Variants in ATRNL1 observed in about 807,000 individuals in gnomAD.
ATRNL1 encodes attractin-like protein 1.
ATRNL1 carries 95 observed loss-of-function variants against 182.7 expected under a neutral mutation model. That is an observed-to-expected ratio of 0.52 (90% CI 0.44 to 0.62). The LOEUF (loss-of-function observed/expected upper bound fraction) is 0.62, where lower values mean the gene tolerates loss of function less well. Ranked by LOEUF, ATRNL1 falls within the 20% of genes least tolerant of loss-of-function variation. The pLI is 0.00. For missense variants in ATRNL1, 1,471 were observed against 1,679.5 expected (o/e 0.88, Z 2.17); for synonymous variants, 576 against 568.3 (o/e 1.01, Z -0.19).
chr10:115,165,714 C>A, intron 7 of ATRNL1, 69 bp downstream of exon 7: 7 of 782,338 alleles, frequency 8.9e-6, no homozygotes, highest in Non-Finnish European at 1.4e-5. Flanking sequence ...CTAAAAAATA[C>A]TAAATCTCAG....
intron 8 of ATRNL1, among the ~76,000 whole-genome samples, chr10:115,191,815 T>C (rs1467115847): frequency 3.9e-5 from 6 of 152,230 alleles, no homozygotes; most frequent in African/African-American, 1.4e-4. Flanking sequence ...TGTGAGTCAA[T>C]TAAACCCCTT....
intron 27 of ATRNL1, among the ~76,000 whole-genome samples, chr10:115,740,338 A>G (rs539296662): frequency 4.2e-4 from 60 of 143,134 alleles, no homozygotes; most frequent in African/African-American, 1.6e-3. Flanking sequence ...TTTGCTTTAT[A>G]GAGAAAGGCT....
chr10:115,604,438 C>A (rs1856770363), intron 26 of ATRNL1, among the ~76,000 whole-genome samples: 1 of 152,172 alleles, frequency 6.6e-6, no homozygotes, highest in Admixed American at 6.5e-5. Context: ...CAACTGTCTT[C>A]CAGCCAGCCC....
chr10:115,540,525 G>T (rs1229311307), intron 25 of ATRNL1, among the ~76,000 whole-genome samples: 1 of 152,120 alleles, frequency 6.6e-6, no homozygotes, highest in Non-Finnish European at 1.5e-5. Context: ...ACTTTGGGAG[G>T]CTGAGGCAGG....
chr10:115,737,455 A>G (rs1286701788), intron 27 of ATRNL1, among the ~76,000 whole-genome samples: 1 of 151,800 alleles, frequency 6.6e-6, no homozygotes, highest in East Asian at 1.9e-4. Flanking sequence ...AAAGAAAAGT[A>G]TACTTCATTA....
chr10:115,724,880 C>G (rs1178603178), intron 26 of ATRNL1, among the ~76,000 whole-genome samples: 1 of 152,108 alleles, frequency 6.6e-6, no homozygotes, highest in African/African-American at 2.4e-5. Flanking sequence ...CACACTAAAG[C>G]AAGAGTGCTA....
chr10:115,785,785 T>C (rs549791015), intron 27 of ATRNL1, among the ~76,000 whole-genome samples: 2 of 152,342 alleles, frequency 1.3e-5, no homozygotes, highest in Admixed American at 6.5e-5. Context: ...CCCTCTCGCA[T>C]TTTACCATAA....
intron 5 of ATRNL1, among the ~76,000 whole-genome samples, chr10:115,139,327 G>A (rs1845660716): frequency 1.3e-5 from 2 of 152,148 alleles, no homozygotes; most frequent in South Asian, 4.2e-4. Context: ...CACTCTACTG[G>A]TACCAATTTA....
rs1951194177 is a variant in ATRNL1 at position 115,856,583 on chromosome 10, A to AC, written c.4018+8594dup. On this transcript the variant is annotated intron_variant, in intron 28 of 28. Transcript: ENST00000355044. ...TTTCGTGGAAGACAATTTTCCACAG[A>AC]CCTGGGGGTCAGTGGCAGGGGTGAT... Among the ~76,000 whole-genome samples, 11 of 152,152 alleles carry AC rather than the reference A, an allele frequency of 7.2e-5. No homozygotes were observed. In the South Asian group the frequency reaches 2.3e-3, roughly 32 times the overall value.
chr10:115,203,159 G>A (rs1434862934), intron 8 of ATRNL1, among the ~76,000 whole-genome samples: 1 of 152,090 alleles, frequency 6.6e-6, no homozygotes, highest in African/African-American at 2.4e-5. Flanking sequence ...ACAACCAGAA[G>A]CAGGGTTCAA....
chr10:115,569,672 A>G (rs1256898354), intron 26 of ATRNL1, among the ~76,000 whole-genome samples: 1 of 152,052 alleles, frequency 6.6e-6, no homozygotes, highest in Non-Finnish European at 1.5e-5. Flanking sequence ...TAATCTTTTT[A>G]TTCTTTATTT....
intron 26 of ATRNL1, among the ~76,000 whole-genome samples, chr10:115,609,842 A>G (rs184225765): frequency 3.2e-4 from 48 of 152,292 alleles, no homozygotes; most frequent in African/African-American, 1.1e-3. Flanking sequence ...ATCCCTCAAC[A>G]TAAGTGGAAG....
intron 3 of ATRNL1, among the ~76,000 whole-genome samples, chr10:115,124,127 T>A (rs1287228559): frequency 6.6e-6 from 1 of 152,156 alleles, no homozygotes; most frequent in Non-Finnish European, 1.5e-5. Context: ...AAATTTTGTC[T>A]TCCATGAAAC....
intron 26 of ATRNL1, among the ~76,000 whole-genome samples, chr10:115,699,657 G>GTTTA (rs543944451): frequency 6.6e-6 from 1 of 151,996 alleles, no homozygotes; most frequent in Non-Finnish European, 1.5e-5. Flanking sequence ...TTATTTGTTT[G>GTTTA]TTTATTTATT....
chr10:115,115,065 C>G (rs1279460821), intron 1 of ATRNL1, among the ~76,000 whole-genome samples: 5 of 152,000 alleles, frequency 3.3e-5, no homozygotes, highest in African/African-American at 1.2e-4. Flanking sequence ...GGGACAAAAT[C>G]CTGTCATTTG....
chr10:115,501,007 C>A (rs1554979993), intron 24 of ATRNL1, among the ~76,000 whole-genome samples: 1 of 138,732 alleles, frequency 7.2e-6, no homozygotes, highest in Admixed American at 7.9e-5. Context: ...CCACTTACTG[C>A]AACCTCTGCC....
intron 27 of ATRNL1, among the ~76,000 whole-genome samples, chr10:115,748,553 T>G (rs1405958531): frequency 6.6e-6 from 1 of 151,852 alleles, no homozygotes; most frequent in Admixed American, 6.6e-5. Context: ...AATCACCCTA[T>G]GCTGTATGTC....
chr10:115,321,877 A>G (rs952555291), intron 18 of ATRNL1, among the ~76,000 whole-genome samples: 5 of 152,128 alleles, frequency 3.3e-5, no homozygotes, highest in Non-Finnish European at 5.9e-5. Flanking sequence ...TAAAGATTCT[A>G]TCAAGAAACT....
intron 26 of ATRNL1, among the ~76,000 whole-genome samples, chr10:115,570,756 G>A (rs1379417212): frequency 6.6e-6 from 1 of 152,036 alleles, no homozygotes; most frequent in East Asian, 1.9e-4. Context: ...TCCCTCTTTG[G>A]AGCTTACTAA....
Sources: allele counts gnomAD v4.1 joint callset (sites outside exome capture counted in the v4.1 genomes callset), GRCh38; gene constraint gnomAD v4.1.1; transcripts MANE v1.5; gene names NCBI Gene and HGNC (gene_info 2026-07-23, HGNC 2026-07-21).